SAMD5: variants seen among roughly 807,000 people sequenced by gnomAD.
SAMD5 encodes sterile alpha motif domain-containing protein 5.
A neutral mutation model predicts 11.3 loss-of-function variants in SAMD5; 13 were observed. That is an observed-to-expected ratio of 1.15 (90% CI 0.75 to 1.83). The LOEUF (loss-of-function observed/expected upper bound fraction) is 1.83. SAMD5 is among the 40% of genes most tolerant of loss of function. SAMD5 has a pLI of 0.00. For missense variants in SAMD5, 255 were observed against 239.1 expected, an observed-to-expected ratio of 1.07 and a Z score of -0.44; for synonymous variants, 129 against 111.3, an observed-to-expected ratio of 1.16 and a Z score of -1.00.
At chr6:147,905,135 G>A in the SAMD5 span, among the ~76,000 whole-genome samples, 4 of 151,836 alleles carry the variant, frequency 2.6e-5, no homozygotes, top group African/African-American at 4.8e-5. Context: ...TGATCCACCC[G>A]CCTCGGCCTC....
intron 1 of SAMD5, among the ~76,000 whole-genome samples, chr6:147,617,343 C>A (rs761123719): frequency 2.0e-5 from 3 of 152,144 alleles, no homozygotes; most frequent in Non-Finnish European, 4.4e-5. Context: ...TCAGCCCTGG[C>A]CTCCATGCCC....
At chr6:147,816,301 A>AAAAAAAATAT in the SAMD5 span, among the ~76,000 whole-genome samples, 21 of 66,338 alleles carry the variant, frequency 3.2e-4, 1 homozygote, top group African/African-American at 7.1e-4. Flanking sequence ...AAAAAAAAAA[A>AAAAAAAATAT]ATATATATAT....
the SAMD5 span, among the ~76,000 whole-genome samples, chr6:147,921,132 C>T: frequency 6.6e-6 from 1 of 152,114 alleles, no homozygotes; most frequent in Non-Finnish European, 1.5e-5. Flanking sequence ...TAGCCAGTGT[C>T]CTCACGGAAC....
the SAMD5 span, among the ~76,000 whole-genome samples, chr6:147,762,346 G>C: frequency 6.6e-6 from 1 of 151,992 alleles, no homozygotes; most frequent in African/African-American, 2.4e-5. Context: ...TTAAAGGTGT[G>C]TGCCACCACA....
chr6:147,601,712 T>C, intron 1 of SAMD5, among the ~76,000 whole-genome samples: 1 of 152,214 alleles, frequency 6.6e-6, no homozygotes. Context: ...AGTGAAAGCA[T>C]TATTTTTGTC....
the SAMD5 span, among the ~76,000 whole-genome samples, chr6:147,947,853 C>T: frequency 6.6e-6 from 1 of 151,886 alleles, no homozygotes; most frequent in Non-Finnish European, 1.5e-5. Flanking sequence ...TTTAAATGCC[C>T]TCCATTCAGA....
the SAMD5 span, among the ~76,000 whole-genome samples, chr6:147,946,705 CT>C: frequency 1.3e-5 from 2 of 152,138 alleles, no homozygotes; most frequent in Non-Finnish European, 2.9e-5. Flanking sequence ...ATTTTTTCTT[CT>C]GTGTTTCATG....
intron 1 of SAMD5, among the ~76,000 whole-genome samples, chr6:147,592,043 A>C (rs1789462683): frequency 6.6e-6 from 1 of 152,128 alleles, no homozygotes; most frequent in African/African-American, 2.4e-5. Context: ...CTCTCTCCTG[A>C]GGCCCTGACA....
chr6:147,802,308 A>G, the SAMD5 span, among the ~76,000 whole-genome samples: 68 of 152,028 alleles, frequency 4.5e-4, no homozygotes, highest in Non-Finnish European at 4.4e-4. Flanking sequence ...AGCACAGGAA[A>G]GTGCTCAATA....
At chr6:147,530,949 A>G (rs543844332) in intron 1 of SAMD5, among the ~76,000 whole-genome samples, 31 of 152,322 alleles carry the variant, frequency 2.0e-4, no homozygotes, top group African/African-American at 6.7e-4. Flanking sequence ...ACCTACTTTC[A>G]TTTAGAATTA....
chr6:147,544,339 T>C (rs1788652144), intron 1 of SAMD5, among the ~76,000 whole-genome samples: 1 of 152,222 alleles, frequency 6.6e-6, no homozygotes. Context: ...AATTTATATG[T>C]GTAGCAAAAC....
At chr6:147,640,800 G>T (rs1204136014) in intron 1 of SAMD5, among the ~76,000 whole-genome samples, 1 of 152,152 alleles carries the variant, frequency 6.6e-6, no homozygotes, top group South Asian at 2.1e-4. Flanking sequence ...ACAGCCACAG[G>T]CTTTGCAAGA....
chr6:147,583,818 A>AACACACACACAC (rs3032052), intron 1 of SAMD5, among the ~76,000 whole-genome samples: 1,498 of 149,456 alleles, frequency 0.01, 20 homozygotes, highest in Middle Eastern at 0.029. Flanking sequence ...GGAATTTTCA[A>AACACACACACAC]ACACACACAC....
At chr6:147,933,350 T>A in the SAMD5 span, among the ~76,000 whole-genome samples, 1 of 152,122 alleles carries the variant, frequency 6.6e-6, no homozygotes, top group African/African-American at 2.4e-5. Context: ...AGAAAGAAGA[T>A]AGGAGACAGT....
At chr6:147,864,471 C>T in the SAMD5 span, among the ~76,000 whole-genome samples, 1 of 152,172 alleles carries the variant, frequency 6.6e-6, no homozygotes, top group Non-Finnish European at 1.5e-5. Context: ...ACAGTAACAT[C>T]CCAGAAAGGT....
intron 1 of SAMD5, among the ~76,000 whole-genome samples, chr6:147,615,088 G>T (rs1052420809): frequency 6.6e-6 from 1 of 151,920 alleles, no homozygotes; most frequent in Non-Finnish European, 1.5e-5. Context: ...TATATAGGAG[G>T]ATGTATGGAG....
At chr6:147,725,714 T>C (rs1482156414) in intron 1 of SAMD5, among the ~76,000 whole-genome samples, 2 of 152,136 alleles carry the variant, frequency 1.3e-5, no homozygotes, top group Non-Finnish European at 2.9e-5. Context: ...AGGAGAACTT[T>C]ATAGAATATT....
At chr6:147,932,983 G>A in the SAMD5 span, among the ~76,000 whole-genome samples, 1 of 152,120 alleles carries the variant, frequency 6.6e-6, no homozygotes, top group Non-Finnish European at 1.5e-5. Context: ...TCTCCGATGA[G>A]GAAAATGGCA....
At chr6:147,800,911 T>A in the SAMD5 span, among the ~76,000 whole-genome samples, 1 of 152,152 alleles carries the variant, frequency 6.6e-6, no homozygotes, top group Non-Finnish European at 1.5e-5. Context: ...TGAAATAAAG[T>A]AAATAAAAAT....
Sources: allele counts gnomAD v4.1 joint callset (sites outside exome capture counted in the v4.1 genomes callset), GRCh38; gene constraint gnomAD v4.1.1; transcripts MANE v1.5; gene names NCBI Gene and HGNC (gene_info 2026-07-23, HGNC 2026-07-21).